Variants in SIK3 observed in about 807,000 individuals in gnomAD.
SIK3 encodes serine/threonine-protein kinase SIK3.
A neutral mutation model predicts 144.2 loss-of-function variants in SIK3; 28 were observed. The observed-to-expected ratio is 0.19, with a 90% CI of 0.14 to 0.27. The LOEUF (loss-of-function observed/expected upper bound fraction) is 0.27. Ranked by LOEUF, SIK3 falls within the 10% of genes least tolerant of loss-of-function variation. SIK3 has a pLI of 1.00. For missense variants in SIK3, 1,319 were observed against 1,776.0 expected, an observed-to-expected ratio of 0.74 and a Z score of 4.62; for synonymous variants, 686 against 676.3, an observed-to-expected ratio of 1.01 and a Z score of -0.22.
At chr11:116,862,400 A>T in intron 16 of SIK3, 73 bp from the exon 17 acceptor site, 1 of 1,598,570 alleles carries the variant, frequency 6.3e-7, no homozygotes, top group Non-Finnish European at 8.6e-7. Flanking sequence ...GCAGATGCAG[A>T]TCTGCCTCCA....
chr11:117,050,629 G>A (rs1953195624), intron 1 of SIK3, among the ~76,000 whole-genome samples: 1 of 151,996 alleles, frequency 6.6e-6, no homozygotes, highest in Non-Finnish European at 1.5e-5. Context: ...AGAGGTTGCA[G>A]TGAGCCGAGA....
At chr11:116,985,927 G>A (rs777015487) in intron 1 of SIK3, among the ~76,000 whole-genome samples, 35 of 152,124 alleles carry the variant, frequency 2.3e-4, no homozygotes, top group Middle Eastern at 3.4e-3. Context: ...GCGGGCTATT[G>A]GAAGAAAATC....
rs187537072 is a variant in SIK3 at position 116,861,156 on chromosome 11, T to C, written c.2425+118A>G. 2,411 of 800,140 alleles carry C rather than the reference T, an allele frequency of 3.0e-3. 7 individuals carry two copies. Among genetic ancestry groups the C allele is most frequent in the Middle Eastern group, 3.4e-3 (13 of 3,848 alleles). The allele number at this position is 800,140 out of a possible 1,614,324, so 49.6% of individuals were successfully genotyped here. On this transcript the variant is annotated intron_variant, in intron 19 of 24. Transcript: ENST00000445177. Reference sequence around the variant, plus strand: ...CAAAGCAGCTTGGCTCTAGAGTCCATACCCCTGAATACTATGTTATTCTGC... The same window carrying C: ...CAAAGCAGCTTGGCTCTAGAGTCCACACCCCTGAATACTATGTTATTCTGC...
chr11:116,953,971 G>T, intron 3 of SIK3, 73 bp downstream of exon 3: 1 of 1,147,200 alleles, frequency 8.7e-7, no homozygotes, highest in Non-Finnish European at 1.3e-6. Context: ...AGTGACAAAG[G>T]CACTGAACAG....
chr11:117,071,968 A>G (rs1263980370), intron 1 of SIK3, among the ~76,000 whole-genome samples: 1 of 151,972 alleles, frequency 6.6e-6, no homozygotes, highest in Non-Finnish European at 1.5e-5. Flanking sequence ...ATGTGGCAAT[A>G]TAATGAGGCA....
chr11:116,979,885 G>T (rs1379279719), intron 1 of SIK3, among the ~76,000 whole-genome samples: 1 of 151,954 alleles, frequency 6.6e-6, no homozygotes, highest in African/African-American at 2.4e-5. Context: ...GAGAGCATAA[G>T]GCATAAGGGA....
chr11:116,953,005 A>T (rs888691913), intron 3 of SIK3, among the ~76,000 whole-genome samples: 2 of 152,190 alleles, frequency 1.3e-5, no homozygotes, highest in Non-Finnish European at 1.5e-5. Flanking sequence ...TAAAATTAAG[A>T]AATAATGATA....
chr11:116,957,148 C>T (rs1464399472), intron 1 of SIK3, 84 bp from the exon 2 acceptor site: 19 of 627,272 alleles, frequency 3.0e-5, no homozygotes, highest in Admixed American at 8.9e-5. Flanking sequence ...TAAAACATTA[C>T]GTTCCATAAA....
intron 1 of SIK3, among the ~76,000 whole-genome samples, chr11:117,050,250 T>A (rs989422023): frequency 6.8e-6 from 1 of 147,106 alleles, no homozygotes; most frequent in Non-Finnish European, 1.5e-5. Flanking sequence ...GATCGCGCCA[T>A]TGCACAACAG....
chr11:116,997,417 A>G (rs951774671), intron 1 of SIK3, among the ~76,000 whole-genome samples: 1 of 152,240 alleles, frequency 6.6e-6, no homozygotes, highest in African/African-American at 2.4e-5. Context: ...AAGGCACTAA[A>G]TGCATATCTA....
intron 1 of SIK3, among the ~76,000 whole-genome samples, chr11:117,076,844 T>C (rs1458274312): frequency 1.3e-5 from 2 of 152,128 alleles, no homozygotes; most frequent in African/African-American, 2.4e-5. Context: ...CCCGGCTGCC[T>C]TAAACATAAT....
intron 1 of SIK3, among the ~76,000 whole-genome samples, chr11:117,052,003 G>A (rs956613987): frequency 6.6e-5 from 10 of 151,962 alleles, no homozygotes; most frequent in African/African-American, 1.7e-4. Context: ...TTAGCCGGTC[G>A]TGGTGGCAGG....
At chr11:116,935,294 TTAA>T (rs1271499581) in intron 3 of SIK3, among the ~76,000 whole-genome samples, 1 of 151,178 alleles carries the variant, frequency 6.6e-6, no homozygotes, top group African/African-American at 2.4e-5. Context: ...ATATTGATTA[TTAA>T]TACTTATTAA....
At chr11:116,885,971 T>C (rs1944795771) in intron 6 of SIK3, among the ~76,000 whole-genome samples, 1 of 152,212 alleles carries the variant, frequency 6.6e-6, no homozygotes, top group Non-Finnish European at 1.5e-5. Context: ...TAGAAAGTGG[T>C]CAATAAATGT....
intron 1 of SIK3, among the ~76,000 whole-genome samples, chr11:117,048,394 C>T (rs1953059463): frequency 2.0e-5 from 3 of 152,178 alleles, no homozygotes; most frequent in Non-Finnish European, 4.4e-5. Flanking sequence ...CGGTGGCTCA[C>T]GCCTGTAATC....
intron 1 of SIK3, among the ~76,000 whole-genome samples, chr11:116,965,758 T>TGGTGAAAACCCGACTCTGCTA (rs750973411): frequency 1.8e-5 from 1 of 54,760 alleles, no homozygotes; most frequent in African/African-American, 5.5e-5. Flanking sequence ...TATATATATA[T>TGGTGAAAACCCGACTCTGCTA]ATATATATAT....
chr11:116,878,138 A>G (rs73023045), intron 6 of SIK3, among the ~76,000 whole-genome samples: 12,097 of 152,202 alleles, frequency 0.079, 641 homozygotes, highest in Middle Eastern at 0.14. Flanking sequence ...TGAACCATTA[A>G]TTCAACATCT....
chr11:116,960,800 AAT>A (rs1341540753), intron 1 of SIK3, among the ~76,000 whole-genome samples: 1 of 152,240 alleles, frequency 6.6e-6, no homozygotes, highest in Admixed American at 6.5e-5. Flanking sequence ...GTAAACAGGC[AAT>A]ATATGTTAAT....
chr11:116,940,986 TTTTGTTTG>T (rs139127609), intron 3 of SIK3, among the ~76,000 whole-genome samples: 6 of 151,786 alleles, frequency 4.0e-5, no homozygotes, highest in Admixed American at 2.6e-4. Context: ...ATAGCTAAGT[TTTTGTTTG>T]TTTGTTTGTT....
Sources: gnomAD v4.1 joint callset for allele counts (sites outside exome capture counted in the v4.1 genomes callset) on GRCh38, gnomAD v4.1.1 for gene constraint, MANE v1.5 for transcripts, NCBI Gene and HGNC (gene_info 2026-07-23, HGNC 2026-07-21) for gene names.